The following ARFGEF1 variants were observed in gnomAD, a reference collection of about 807,000 sequenced individuals.
ARFGEF1 encodes the protein brefeldin A-inhibited guanine nucleotide-exchange protein 1.
In ARFGEF1, 42 loss-of-function variants were observed where a neutral mutation model predicts 231.0. The ratio of observed to expected loss-of-function variants is 0.18; its 90% CI spans 0.14 to 0.24. The LOEUF is 0.24. ARFGEF1 is among the 10% of genes least tolerant of loss of function. The probability of loss-of-function intolerance (pLI) is 1.00; values close to 1 mark genes in which losing one functional copy is unlikely to be tolerated. For missense variants in ARFGEF1, 1,345 were observed against 2,192.0 expected, an observed-to-expected ratio of 0.61 and a Z score of 7.72; for synonymous variants, 710 against 732.3, an observed-to-expected ratio of 0.97 and a Z score of 0.49.
At chr8:67,186,705 G>A (rs758201761) in intron 5 of ARFGEF1, among the ~76,000 whole-genome samples, 3 of 152,134 alleles carry the variant, frequency 2.0e-5, no homozygotes, top group Non-Finnish European at 4.4e-5. Context: ...GAAATAAAAG[G>A]TGTGATTGGA....
downstream of ARFGEF1, chr8:67,195,475 C>T (rs769955793): frequency 3.7e-6 from 6 of 1,613,970 alleles, no homozygotes; most frequent in African/African-American, 6.7e-5. Context: ...TGGCTCCGCC[C>T]TGGCACTTCA....
chr8:67,320,465 A>AC (rs1469434906), intron 1 of ARFGEF1, among the ~76,000 whole-genome samples: 1 of 152,174 alleles, frequency 6.6e-6, no homozygotes, highest in East Asian at 1.9e-4. Context: ...ATGAAGTTAA[A>AC]CATATACTTA....
At chr8:67,334,136 CAAAAAAAAAAA>C (rs368714166) in intron 1 of ARFGEF1, among the ~76,000 whole-genome samples, 1 of 43,732 alleles carries the variant, frequency 2.3e-5, no homozygotes, top group Non-Finnish European at 5.1e-5. Context: ...AACTCCGTCT[CAAAAAAAAAAA>C]AAAAAAAAAA....
intron 7 of ARFGEF1, among the ~76,000 whole-genome samples, chr8:67,283,904 T>C (rs1805641225): frequency 6.6e-6 from 1 of 152,294 alleles, no homozygotes; most frequent in East Asian, 1.9e-4. Context: ...ACAACACCTA[T>C]AAAGAGGAAT....
chr8:67,315,240 G>C (rs1807254032), intron 1 of ARFGEF1, among the ~76,000 whole-genome samples: 1 of 152,014 alleles, frequency 6.6e-6, no homozygotes, highest in Non-Finnish European at 1.5e-5. Flanking sequence ...ATATAACAAA[G>C]AGCTTCAAAA....
intron 37 of ARFGEF1, 36 bp downstream of exon 37, chr8:67,201,431 A>G (rs1345242396): frequency 1.3e-6 from 2 of 1,582,522 alleles, no homozygotes; most frequent in African/African-American, 2.7e-5. Context: ...CCACGTGGCT[A>G]CCTGGTCAGA....
In ARFGEF1 at chr8:67,250,431, G is replaced by A. The variant is rs543524394; in HGVS notation, c.2850+868C>T. Among the ~76,000 whole-genome samples, 26 of 152,270 alleles carry A rather than the reference G, an allele frequency of 1.7e-4. No individual in the cohort carries two copies. The South Asian group carries it at 5.0e-3, about 29-fold the overall frequency. On this transcript the variant is annotated intron_variant, in intron 19 of 38. Coordinates refer to ENST00000262215, the MANE Select transcript of ARFGEF1 (RefSeq NM_006421.5). ...TAAACTATAACAAATCCAGAGAACA[G>A]ATCATAAAAGCTCACTCTCATCATC... is the stretch of plus-strand genomic sequence containing the variant.
At chr8:67,295,132 G>A (rs1806174830) in intron 5 of ARFGEF1, among the ~76,000 whole-genome samples, 1 of 151,942 alleles carries the variant, frequency 6.6e-6, no homozygotes, top group African/African-American at 2.4e-5. Context: ...ATAAATTAAG[G>A]GAGGAGAAAT....
rs1808017437 is a variant in ARFGEF1, at chr8:67,329,800, T to G, written c.124+13364A>C. Among the ~76,000 whole-genome samples the G allele has an allele frequency of 2.6e-5, 4 of 151,986 alleles. No individual in the cohort carries two copies. The South Asian group carries it at 8.3e-4, about 31-fold the overall frequency. Reference sequence around the variant, plus strand: ...TAGTCAAGCTAACTAGTGAGATATATCTTACACAGAACAGCATTAGGCATG... The same window carrying G: ...TAGTCAAGCTAACTAGTGAGATATAGCTTACACAGAACAGCATTAGGCATG... On this transcript the variant is annotated intron_variant, in intron 1 of 38. Transcript: ENST00000262215.
intron 34 of ARFGEF1, among the ~76,000 whole-genome samples, chr8:67,206,624 C>G (rs1473402957): frequency 6.6e-6 from 1 of 152,130 alleles, no homozygotes. Flanking sequence ...TCTGACCATG[C>G]CAGCTAAGTA....
chr8:67,214,942 C>T (rs1025036083), intron 33 of ARFGEF1, among the ~76,000 whole-genome samples: 2 of 151,832 alleles, frequency 1.3e-5, no homozygotes, highest in South Asian at 4.2e-4. Context: ...CCAGCCATAG[C>T]CCCAGAGGGC....
chr8:67,338,506 C>T (rs1318504956), intron 1 of ARFGEF1, among the ~76,000 whole-genome samples: 1 of 152,194 alleles, frequency 6.6e-6, no homozygotes, highest in Non-Finnish European at 1.5e-5. Flanking sequence ...TAACTATGTT[C>T]ATGTGCATTA....
At chr8:67,184,966 A>C (rs1287311828) in intron 5 of ARFGEF1, among the ~76,000 whole-genome samples, 1 of 144,060 alleles carries the variant, frequency 6.9e-6, no homozygotes, top group East Asian at 2.0e-4. Flanking sequence ...AAAAAAAAAA[A>C]GGTGGTGGGC....
chr8:67,197,485 A>C (rs1838097601), downstream of ARFGEF1, among the ~76,000 whole-genome samples: 1 of 152,162 alleles, frequency 6.6e-6, no homozygotes, highest in African/African-American at 2.4e-5. Flanking sequence ...TTGCCTTAAA[A>C]ATAAGTATCC....
At chr8:67,253,758 T>C (rs981401917) in intron 17 of ARFGEF1, 136 bp from the exon 18 acceptor site, 13 of 480,666 alleles carry the variant, frequency 2.7e-5, no homozygotes, top group African/African-American at 8.0e-5. Context: ...CAACAAAATA[T>C]AGATAAAAAT....
At chr8:67,246,476 A>G (rs1393038297) in intron 19 of ARFGEF1, among the ~76,000 whole-genome samples, 1 of 150,528 alleles carries the variant, frequency 6.6e-6, no homozygotes, top group East Asian at 1.9e-4. Context: ...ACACAAACAC[A>G]TGAAAATTAA....
At chr8:67,337,527 C>T (rs1205676929) in intron 1 of ARFGEF1, among the ~76,000 whole-genome samples, 3 of 152,144 alleles carry the variant, frequency 2.0e-5, no homozygotes, top group Non-Finnish European at 4.4e-5. Context: ...AAAACATAAA[C>T]ATGCTGTCAC....
intron 8 of ARFGEF1, among the ~76,000 whole-genome samples, chr8:67,277,068 T>TA (rs1214242955): frequency 5.9e-5 from 9 of 152,070 alleles, no homozygotes; most frequent in Non-Finnish European, 8.8e-5. Flanking sequence ...AGACCTACCT[T>TA]AAAGTTGGAA....
rs949978735 is a variant in ARFGEF1 at position 67,227,720 on chromosome 8, A to G, written c.3592-122T>C. The stretch of plus-strand genomic sequence containing the variant: ...AGATAGGTAAATCCTAAGATTTTCC[A>G]TAAAGGCATTAAGTATGCTAAAACT... On this transcript the variant is annotated intron_variant, in intron 25 of 38. Coordinates refer to ENST00000262215, the MANE Select transcript of ARFGEF1 (RefSeq NM_006421.5). 2.2e-5 allele frequency: 24 copies of G among 1,109,732 alleles called. No homozygotes were observed. The Middle Eastern group carries it at 6.3e-4, about 29-fold the overall frequency. The allele number at this position is 1,109,732 out of a possible 1,614,324, so 68.7% of individuals were successfully genotyped here.
Sources: gnomAD v4.1 joint callset for allele counts (sites outside exome capture counted in the v4.1 genomes callset) on GRCh38, gnomAD v4.1.1 for gene constraint, MANE v1.5 for transcripts, NCBI Gene and HGNC (gene_info 2026-07-23, HGNC 2026-07-21) for gene names.